The following RBFOX3 variants were observed in gnomAD, a reference collection of about 807,000 sequenced individuals.
The protein encoded by RBFOX3 is RNA binding fox-1 homolog 3, also known as RNA binding protein fox-1 homolog 3.
RBFOX3 carries 17 observed loss-of-function variants against 48.7 expected under a neutral mutation model. The observed-to-expected ratio is 0.35, with a 90% confidence interval of 0.24 to 0.52. The LOEUF (loss-of-function observed/expected upper bound fraction) is 0.52. Among genes scored for constraint, RBFOX3 ranks in the 20% least tolerant of loss-of-function variants. The pLI is 0.94. For missense variants in RBFOX3, 382 were observed against 497.5 expected (o/e 0.77, Z 2.21); for synonymous variants, 212 against 209.5 (o/e 1.01, Z -0.10).
chr17:79,583,933 G>A (rs1033026011), intron 1 of RBFOX3, among the ~76,000 whole-genome samples: 4 of 152,088 alleles, frequency 2.6e-5, no homozygotes, highest in East Asian at 1.9e-4. Context: ...CCTAGAAAGC[G>A]GACATGGCGG....
At chr17:79,203,382 G>C (rs1463244904) in intron 4 of RBFOX3, among the ~76,000 whole-genome samples, 1 of 22,720 alleles carries the variant, frequency 4.4e-5, no homozygotes, top group African/African-American at 2.2e-4. Context: ...TGTAAGGACT[G>C]TGGGGGTGGG....
intron 3 of RBFOX3, among the ~76,000 whole-genome samples, chr17:79,279,011 T>A (rs2069609482): frequency 6.6e-6 from 1 of 152,164 alleles, no homozygotes; most frequent in Non-Finnish European, 1.5e-5. Context: ...ATATTAGTAA[T>A]GCGCCCATTT....
intron 4 of RBFOX3, among the ~76,000 whole-genome samples, chr17:79,184,538 G>A (rs1450677592): frequency 6.6e-6 from 1 of 152,222 alleles, no homozygotes; most frequent in African/African-American, 2.4e-5. Flanking sequence ...CTCACCAGAG[G>A]CCCCGTGGAT....
chr17:79,206,443 T>C (rs1375090577), intron 4 of RBFOX3, among the ~76,000 whole-genome samples: 1 of 152,148 alleles, frequency 6.6e-6, no homozygotes, highest in African/African-American at 2.4e-5. Context: ...CAAGTCTCAT[T>C]GAGAGACACA....
intron 3 of RBFOX3, among the ~76,000 whole-genome samples, chr17:79,295,218 C>A (rs1048374715): frequency 1.3e-5 from 2 of 152,138 alleles, no homozygotes; most frequent in South Asian, 4.1e-4. Flanking sequence ...AAATCCGCCT[C>A]GTGTGTCCTC....
intron 1 of RBFOX3, among the ~76,000 whole-genome samples, chr17:79,514,259 C>A (rs989263896): frequency 1.3e-5 from 2 of 152,230 alleles, no homozygotes; most frequent in Non-Finnish European, 2.9e-5. Flanking sequence ...CCCACCCTTC[C>A]CAACAGCATG....
intron 3 of RBFOX3, among the ~76,000 whole-genome samples, chr17:79,273,327 G>C (rs2068078029): frequency 6.6e-6 from 1 of 152,224 alleles, no homozygotes; most frequent in Non-Finnish European, 1.5e-5. Flanking sequence ...TGAGACCAAA[G>C]TCTGTATTCA....
intron 2 of RBFOX3, among the ~76,000 whole-genome samples, chr17:79,375,555 C>A (rs1333900382): frequency 6.6e-6 from 1 of 152,172 alleles, no homozygotes; most frequent in Non-Finnish European, 1.5e-5. Flanking sequence ...GAGCTCTCTG[C>A]CACCTTGTTG....
At chr17:79,582,708 G>A (rs2093113609) in intron 1 of RBFOX3, among the ~76,000 whole-genome samples, 2 of 150,508 alleles carry the variant, frequency 1.3e-5, no homozygotes. Context: ...ACTGAAGCCC[G>A]GGATGTTGAG....
chr17:79,315,185 A>G (rs1418084454), intron 2 of RBFOX3, among the ~76,000 whole-genome samples: 1 of 152,150 alleles, frequency 6.6e-6, no homozygotes, highest in Non-Finnish European at 1.5e-5. Context: ...TAAATGGATG[A>G]CGTACACGAT....
intron 1 of RBFOX3, among the ~76,000 whole-genome samples, chr17:79,575,828 C>A (rs1450956387): frequency 2.0e-5 from 3 of 152,150 alleles, no homozygotes; most frequent in Non-Finnish European, 4.4e-5. Flanking sequence ...CATAAGGCTG[C>A]AAATTATTTC....
intron 2 of RBFOX3, among the ~76,000 whole-genome samples, chr17:79,398,085 G>A (rs756215335): frequency 2.0e-5 from 3 of 152,116 alleles, no homozygotes; most frequent in Non-Finnish European, 4.4e-5. Flanking sequence ...GCGCCTTGTC[G>A]GGGCCCCAGA....
At chr17:79,623,396 T>G in the RBFOX3 span, among the ~76,000 whole-genome samples, 1 of 152,130 alleles carries the variant, frequency 6.6e-6, no homozygotes, top group Admixed American at 6.5e-5. Flanking sequence ...GTGACTATCT[T>G]AGGTTACACA....
chr17:79,345,743 ATTTTC>A (rs1343211629), intron 2 of RBFOX3, among the ~76,000 whole-genome samples: 1 of 151,916 alleles, frequency 6.6e-6, no homozygotes, highest in Non-Finnish European at 1.5e-5. Context: ...TATTGCCAAT[ATTTTC>A]TTCTAGTCTT....
chr17:79,381,319 C>T (rs1199770262), intron 2 of RBFOX3, among the ~76,000 whole-genome samples: 2 of 151,856 alleles, frequency 1.3e-5, no homozygotes, highest in Non-Finnish European at 2.9e-5. Context: ...TTTCACTTAA[C>T]CTGATACATT....
At chr17:79,520,011 C>T (rs2085832332) in intron 1 of RBFOX3, among the ~76,000 whole-genome samples, 1 of 152,188 alleles carries the variant, frequency 6.6e-6, no homozygotes, top group African/African-American at 2.4e-5. Flanking sequence ...CCTAGCAACC[C>T]TCAACCTCAG....
At chr17:79,224,864 T>C (rs1321582425) in intron 4 of RBFOX3, among the ~76,000 whole-genome samples, 2 of 152,244 alleles carry the variant, frequency 1.3e-5, no homozygotes, top group Non-Finnish European at 2.9e-5. Flanking sequence ...CATTTAGTCT[T>C]GTTACATTTA....
chr17:79,346,816 G>A (rs543461671), intron 2 of RBFOX3, among the ~76,000 whole-genome samples: 7 of 152,026 alleles, frequency 4.6e-5, no homozygotes, highest in Non-Finnish European at 8.8e-5. Context: ...TTTATTCCTA[G>A]GTATTTGACA....
Position 79,094,875 on chromosome 17 carries a change from T to C in RBFOX3, c.999-346A>G, listed in dbSNP as rs146595035. On this transcript the variant is annotated intron_variant, in intron 13 of 14. Coordinates refer to ENST00000693108, the MANE Select transcript of RBFOX3 (RefSeq NM_001350451.2). Reference sequence around the variant, plus strand: ...AAACAAACTTCCACCCCAAAAAGAATGTGGTAAATACTGGGGAGGGTTTCA... The same window carrying C: ...AAACAAACTTCCACCCCAAAAAGAACGTGGTAAATACTGGGGAGGGTTTCA... Among the ~76,000 whole-genome samples, 930 of 151,864 alleles carry C rather than the reference T, an allele frequency of 6.1e-3. 14 individuals are homozygous for C. The highest frequency in any genetic ancestry group is 0.021 in the African/African-American group (883 of 41,368).
Sources: allele counts gnomAD v4.1 joint callset (sites outside exome capture counted in the v4.1 genomes callset), GRCh38; gene constraint gnomAD v4.1.1; transcripts MANE v1.5; gene names NCBI Gene and HGNC (gene_info 2026-07-23, HGNC 2026-07-21).